TLR3: variants seen among roughly 807,000 people sequenced by gnomAD.
The protein encoded by TLR3 is toll-like receptor 3.
TLR3 carries 43 observed loss-of-function variants against 66.4 expected under a neutral mutation model. The ratio of observed to expected loss-of-function variants is 0.65; its 90% CI spans 0.51 to 0.83. TLR3 has a LOEUF of 0.83. TLR3 is among the 40% of genes least tolerant of loss of function. TLR3 has a pLI of 0.00. For missense variants in TLR3, 982 were observed against 1,044.6 expected (o/e 0.94, Z 0.83); for synonymous variants, 397 against 397.2 (o/e 1.00, Z 0.01).
In TLR3 at chr4:186,087,374, CCTGTG is replaced by C. The variant is rs2099304536; in HGVS notation, c.*2502_*2506del. 1 of 152,148 alleles carries C rather than the reference CCTGTG, an allele frequency of 6.6e-6. No homozygotes were observed. Among genetic ancestry groups the C allele is most frequent in the Admixed American group, 6.5e-5 (1 of 15,286 alleles). The allele number at this position is 152,148 out of a possible 1,614,324, so 9.4% of individuals were successfully genotyped here. On this transcript the variant is annotated 3_prime_UTR_variant, in exon 5 of 5. Transcript: ENST00000296795. ...AACATCCAGAACTTCTGCAGGCTGT[CCTGTG>C]TAATTGTTCTCCGGAGGAACCCTTG...
rs1445890379 is a variant in TLR3 at position 186,088,020 on chromosome 4, T to C, written c.*3147T>C. On this transcript the variant is annotated 3_prime_UTR_variant, in exon 5 of 5. Coordinates refer to ENST00000296795, the MANE Select transcript of TLR3 (RefSeq NM_003265.3). ...CACTTAAAACAGGTGAATTTTATGATATGTAAATTATATATTCACAAAGCC... is the reference window on the plus strand; with the variant it reads ...CACTTAAAACAGGTGAATTTTATGACATGTAAATTATATATTCACAAAGCC... 1 of 152,214 alleles carries C rather than the reference T, an allele frequency of 6.6e-6. No individual in the cohort carries two copies. The highest frequency in any genetic ancestry group is 1.5e-5 in the Non-Finnish European group (1 of 68,046). 9.4% of individuals were successfully genotyped at this position (152,214 alleles called of 1,614,324 possible).
intron 2 of TLR3, among the ~76,000 whole-genome samples, chr4:186,077,387 G>A (rs188157177): frequency 6.6e-6 from 1 of 152,288 alleles, no homozygotes. Flanking sequence ...GATTTAGCAT[G>A]TGAAGTCGTG....
chr4:186,075,965 C>T (rs1029478061), intron 1 of TLR3, among the ~76,000 whole-genome samples: 1 of 152,134 alleles, frequency 6.6e-6, no homozygotes, highest in Admixed American at 6.5e-5. Flanking sequence ...ACCATCCTGG[C>T]CAACATGGTG....
chr4:186,083,179 C>G lies in TLR3; in HGVS notation c.1493C>G (p.Ser498Cys), dbSNP rs2099303817. ...RRVALKNVDSSPSPFQPLRNL... is the reference protein window; with the variant it reads ...RRVALKNVDSCPSPFQPLRNL... ...GTGGCCCTTAAAAATGTGGATAGCT[C>G]TCCTTCACCATTCCAGCCTCTTCGT... The change falls in exon 4 of 5, where the codon TCT becomes TGT. Residue 498 changes from serine (S) to cysteine (C), a missense_variant. Transcript: ENST00000296795. The surrounding 1 kb of genome is among the most constrained non-coding windows in gnomAD (Gnocchi z 4.0). 6.2e-7 allele frequency: 1 copy of G among 1,614,218 alleles called. No homozygotes were observed. The highest frequency in any genetic ancestry group is 2.2e-5 in the East Asian group (1 of 44,888).
chr4:186,077,604 T>G (rs2099302665), intron 2 of TLR3, among the ~76,000 whole-genome samples: 1 of 152,144 alleles, frequency 6.6e-6, no homozygotes, highest in African/African-American at 2.4e-5. Context: ...TTTTTTTTCT[T>G]TTCTTTTTAG....
intron 1 of TLR3, among the ~76,000 whole-genome samples, chr4:186,069,466 A>G (rs1232260300): frequency 6.6e-6 from 1 of 152,226 alleles, no homozygotes; most frequent in Non-Finnish European, 1.5e-5. Flanking sequence ...AATAGCACCA[A>G]TATCTAGTTA....
At chr4:186,077,901 C>T (rs551178502) in intron 2 of TLR3, among the ~76,000 whole-genome samples, 22 of 151,998 alleles carry the variant, frequency 1.4e-4, no homozygotes, top group African/African-American at 4.1e-4. Flanking sequence ...TTAACCAAAG[C>T]GATTTTCAAG....
Position 186,076,776 on chromosome 4 carries a change from A to T in TLR3, c.157A>T (p.Ile53Leu). The T allele has an allele frequency of 1.2e-6, 2 of 1,614,184 alleles. No homozygotes were observed. Among genetic ancestry groups the T allele is most frequent in the Non-Finnish European group, 1.7e-6 (2 of 1,180,046 alleles). The change falls in exon 2 of 5, where the codon ATA becomes TTA. Residue 53 changes from isoleucine to leucine, a missense_variant. Physicochemically the swap from Ile to Leu is conservative, Grantham distance 5. Coordinates refer to ENST00000296795, the MANE Select transcript of TLR3 (RefSeq NM_003265.3). The stretch of plus-strand genomic sequence containing the variant: ...GGTACCCGATGATCTACCCACAAAC[A>T]TAACAGTGTTGAACCTTACCCATAA... Reference protein sequence around the residue: ...TQVPDDLPTNITVLNLTHNQL... With the variant: ...TQVPDDLPTNLTVLNLTHNQL...
chr4:186,076,899 T>A lies in TLR3; in HGVS notation c.280T>A (p.Leu94Met). ...CACCATCTCAAAACTGGAGCCAGAA[T>A]TGTGCCAGAAACTTCCCATGTTAAA... is the stretch of plus-strand genomic sequence containing the variant. ...FNTISKLEPE[L>M]CQKLPMLKVL... The change falls in exon 2 of 5, where the codon TTG becomes ATG. Residue 94 changes from leucine to methionine, a missense_variant. Physicochemically the swap from Leu to Met is conservative, Grantham distance 15 (BLOSUM62 2). Around this residue, in one of 3 missense-constraint regions of TLR3, gnomAD observed 313 missense variants for 319.0 expected, o/e 0.98. Coordinates refer to ENST00000296795, the MANE Select transcript of TLR3 (RefSeq NM_003265.3). 6.2e-7 allele frequency: 1 copy of A among 1,614,212 alleles called. No individual in the cohort carries two copies. Among genetic ancestry groups the A allele is most frequent in the Non-Finnish European group, 8.5e-7 (1 of 1,180,040 alleles).
In TLR3 at chr4:186,083,541, A is replaced by G. The variant is rs1274382218; in HGVS notation, c.1855A>G (p.Lys619Glu). The change falls in exon 4 of 5, where the codon AAG becomes GAG. Residue 619 changes from lysine (K) to glutamate (E), a missense_variant. By Grantham distance (56) the Lys-to-Glu change is moderately conservative (BLOSUM62 1). Coordinates refer to ENST00000296795, the MANE Select transcript of TLR3 (RefSeq NM_003265.3). This position sits in a 1 kb window ranked among gnomAD's most constrained non-coding sequence, Gnocchi z 4.0. ...GTCTCTAAAGTCATTGAACCTTCAGAAGAATCTCATAACATCCGTTGAGAA... is the reference window on the plus strand; with the variant it reads ...GTCTCTAAAGTCATTGAACCTTCAGGAGAATCTCATAACATCCGTTGAGAA... ...QVSLKSLNLQKNLITSVEKKV... is the reference protein window; with the variant it reads ...QVSLKSLNLQENLITSVEKKV... The G allele has an allele frequency of 1.2e-6, 2 of 1,612,396 alleles. No homozygotes were observed. Among genetic ancestry groups the G allele is most frequent in the Non-Finnish European group, 1.7e-6 (2 of 1,179,454 alleles).
At chr4:186,080,684 C>T (rs765584132) in intron 3 of TLR3, among the ~76,000 whole-genome samples, 12 of 152,156 alleles carry the variant, frequency 7.9e-5, no homozygotes, top group Non-Finnish European at 1.2e-4. Flanking sequence ...CTCCGACTCC[C>T]GGGTTCAAGC....
intron 2 of TLR3, among the ~76,000 whole-genome samples, chr4:186,077,884 C>T (rs957165400): frequency 4.0e-5 from 6 of 151,754 alleles, no homozygotes; most frequent in African/African-American, 1.5e-4. Flanking sequence ...TTATTAAGTG[C>T]TTTTCTTTAA....
rs765076033 is a variant in TLR3, at chr4:186,084,829, C to A, written c.2671C>A (p.His891Asn). Residue 891 changes from histidine to asparagine, a missense_variant, in exon 5 of 5, where the codon CAT (histidine) becomes AAT (asparagine). His to Asn is a moderately conservative substitution (Grantham distance 68). Around this residue, in one of 3 missense-constraint regions of TLR3, gnomAD observed 666 missense variants for 709.0 expected, o/e 0.94. Transcript: ENST00000296795. ...GAAAGAACGGATAGGTGCCTTTCGT[C>A]ATAAATTGCAAGTAGCACTTGGATC... is the stretch of plus-strand genomic sequence containing the variant. Reference protein sequence around the residue: ...VQKERIGAFRHKLQVALGSKN... With the variant: ...VQKERIGAFRNKLQVALGSKN... The A allele has an allele frequency of 1.2e-6, 2 of 1,613,878 alleles. No individual in the cohort carries two copies. Among genetic ancestry groups the A allele is most frequent in the African/African-American group, 2.7e-5 (2 of 74,916 alleles).
chr4:186,079,094 CACAT>C, intron 3 of TLR3, 63 bp downstream of exon 3: 2 of 1,369,914 alleles, frequency 1.5e-6, no homozygotes, highest in South Asian at 2.5e-5. Context: ...CTATCTGTGT[CACAT>C]ACACAGGAAT....
chr4:186,087,739 G>A lies in TLR3; in HGVS notation c.*2866G>A, dbSNP rs1177004244. ...AATTGTTCAAATATACATCTAGGTT[G>A]TAAAGGAGACTCAACGGTAAGTTAT... On this transcript the variant is annotated 3_prime_UTR_variant, in exon 5 of 5. Coordinates refer to ENST00000296795, the MANE Select transcript of TLR3 (RefSeq NM_003265.3). 2 of 152,164 alleles carry A rather than the reference G, an allele frequency of 1.3e-5. No individual in the cohort carries two copies. The highest frequency in any genetic ancestry group is 1.5e-5 in the Non-Finnish European group (1 of 68,042). 9.4% of individuals were successfully genotyped at this position (152,164 alleles called of 1,614,324 possible). A position where few individuals can be genotyped will look rare whatever the true frequency, so the allele number is the denominator to read the frequency against.
chr4:186,082,052 C>A (rs2099303583), intron 3 of TLR3: 1 of 441,740 alleles, frequency 2.3e-6, no homozygotes, highest in Non-Finnish European at 4.1e-6. Flanking sequence ...CGGTGAAACC[C>A]CGACTCTACT....
At chr4:186,077,808 A>G (rs774617431) in intron 2 of TLR3, among the ~76,000 whole-genome samples, 9 of 143,684 alleles carry the variant, frequency 6.3e-5, no homozygotes, top group Admixed American at 2.2e-4. Context: ...AACCATATTC[A>G]CCCTACAATG....
chr4:186,077,384 C>T (rs1391896056), intron 2 of TLR3, among the ~76,000 whole-genome samples: 1 of 152,154 alleles, frequency 6.6e-6, no homozygotes, highest in African/African-American at 2.4e-5. Context: ...GCTGATTTAG[C>T]ATGTGAAGTC....
At chr4:186,080,203 A>G (rs1389324692) in intron 3 of TLR3, among the ~76,000 whole-genome samples, 1 of 152,056 alleles carries the variant, frequency 6.6e-6, no homozygotes, top group Non-Finnish European at 1.5e-5. Flanking sequence ...TTTTTCAGAC[A>G]TAAAAATAAA....
Sources: gnomAD v4.1 joint callset for allele counts (sites outside exome capture counted in the v4.1 genomes callset) on GRCh38, gnomAD v4.1.1 for gene constraint, gnomAD v4.1.1 regional missense constraint, Gnocchi (gnomAD v3.1) non-coding constraint, MANE v1.5 for transcripts, NCBI Gene and HGNC (gene_info 2026-07-23, HGNC 2026-07-21) for gene names.